ARHGAP26: variants seen among roughly 807,000 people sequenced by gnomAD.
The protein encoded by ARHGAP26 is rho GTPase-activating protein 26.
A neutral mutation model predicts 104.8 loss-of-function variants in ARHGAP26; 38 were observed. That is an observed-to-expected ratio of 0.36 (90% CI 0.28 to 0.48). The LOEUF (loss-of-function observed/expected upper bound fraction) is 0.48. Among genes scored for constraint, ARHGAP26 ranks in the 20% least tolerant of loss-of-function variants. The probability of loss-of-function intolerance (pLI) is 0.99; values close to 1 mark genes in which losing one functional copy is unlikely to be tolerated. For synonymous variants in ARHGAP26, 341 were observed against 340.0 expected (o/e 1.00, Z -0.03); for missense variants, 704 against 947.9 (o/e 0.74, Z 3.38).
chr5:142,841,363 C>T lies in ARHGAP26; in HGVS notation c.155-32037C>T, dbSNP rs560569651. ...GTTTCAAGTCTCACGGTGCTAAGCCCAACACCTAGACTGGAAGATATATTA... is the reference window on the plus strand; with the variant it reads ...GTTTCAAGTCTCACGGTGCTAAGCCTAACACCTAGACTGGAAGATATATTA... On this transcript the variant is annotated intron_variant, in intron 1 of 22. Transcript: ENST00000645722. Among the ~76,000 whole-genome samples, 3 of 152,294 alleles carry T rather than the reference C, an allele frequency of 2.0e-5. No individual in the cohort carries two copies. In the East Asian group the frequency reaches 5.8e-4, roughly 29 times the overall value.
chr5:142,986,402 A>G (rs1354480814), intron 11 of ARHGAP26, among the ~76,000 whole-genome samples: 3 of 152,008 alleles, frequency 2.0e-5, no homozygotes, highest in African/African-American at 7.3e-5. Context: ...TAGATTCTGG[A>G]TATTAGCCCT....
At chr5:143,113,167 A>G (rs1385085102) in intron 17 of ARHGAP26, among the ~76,000 whole-genome samples, 1 of 152,182 alleles carries the variant, frequency 6.6e-6, no homozygotes, top group Non-Finnish European at 1.5e-5. Context: ...ATTTTAGAAT[A>G]CCTCTGCGTT....
chr5:142,953,624 C>CTTGGCG (rs1448792598), intron 11 of ARHGAP26, among the ~76,000 whole-genome samples: 1 of 152,214 alleles, frequency 6.6e-6, no homozygotes, highest in African/African-American at 2.4e-5. Flanking sequence ...CGCTGGTTCA[C>CTTGGCG]TATTTTGGGA....
At chr5:143,033,488 A>T (rs1207171315) in intron 12 of ARHGAP26, among the ~76,000 whole-genome samples, 1 of 152,228 alleles carries the variant, frequency 6.6e-6, no homozygotes, top group Admixed American at 6.5e-5. Flanking sequence ...CACACAAAAA[A>T]AGGTTCAATG....
At chr5:142,894,595 A>G (rs1455021825) in intron 6 of ARHGAP26, among the ~76,000 whole-genome samples, 2 of 152,144 alleles carry the variant, frequency 1.3e-5, no homozygotes, top group African/African-American at 4.8e-5. Flanking sequence ...CTACCCAATG[A>G]TGTGCCATAT....
At chr5:142,977,532 G>A (rs1480117905) in intron 11 of ARHGAP26, among the ~76,000 whole-genome samples, 2 of 152,166 alleles carry the variant, frequency 1.3e-5, no homozygotes, top group Non-Finnish European at 2.9e-5. Context: ...AGGTCAGCCA[G>A]GTGTTTTTTT....
rs557815643 is a variant in ARHGAP26 at position 142,793,819 on chromosome 5, C to T, written c.154+22904C>T. On this transcript the variant is annotated intron_variant, in intron 1 of 22. Transcript: ENST00000645722. ...GCCAGGCTGGTCTTGAACTCCTGGC[C>T]TCAAGCGATCTGCCTGCTTCGACCT... 1.2e-4 allele frequency among the ~76,000 whole-genome samples: 18 copies of T among 152,212 alleles called. No individual in the cohort carries two copies. In the South Asian group the frequency reaches 3.3e-3, roughly 28 times the overall value.
chr5:143,206,537 C>G (rs536424584), intron 20 of ARHGAP26, among the ~76,000 whole-genome samples: 1 of 152,214 alleles, frequency 6.6e-6, no homozygotes, highest in South Asian at 2.1e-4. Flanking sequence ...TATCGTAATG[C>G]CCAAATTCCA....
intron 17 of ARHGAP26, among the ~76,000 whole-genome samples, chr5:143,061,160 T>A (rs1786646453): frequency 6.6e-6 from 1 of 152,358 alleles, no homozygotes; most frequent in South Asian, 2.1e-4. Context: ...TGGATCCTTG[T>A]GCCAATTTTT....
intron 12 of ARHGAP26, among the ~76,000 whole-genome samples, chr5:143,022,339 T>C (rs908536318): frequency 2.0e-5 from 3 of 152,194 alleles, no homozygotes; most frequent in Non-Finnish European, 4.4e-5. Context: ...TCCCAAAGTG[T>C]TGGGATTACA....
At chr5:142,952,485 C>T (rs1249751175) in intron 11 of ARHGAP26, among the ~76,000 whole-genome samples, 1 of 152,168 alleles carries the variant, frequency 6.6e-6, no homozygotes, top group Non-Finnish European at 1.5e-5. Context: ...CGTAGTGTGT[C>T]TGCAAACAGA....
chr5:142,977,574 G>A (rs981578453), intron 11 of ARHGAP26, among the ~76,000 whole-genome samples: 1 of 152,062 alleles, frequency 6.6e-6, no homozygotes, highest in Admixed American at 6.6e-5. Flanking sequence ...TTGGACATTT[G>A]CCTCCAGTCT....
chr5:142,907,851 A>G (rs1228267706), intron 9 of ARHGAP26, 47 bp downstream of exon 9: 5 of 1,268,722 alleles, frequency 3.9e-6, no homozygotes, highest in Admixed American at 1.7e-5. Flanking sequence ...TGGCTAACAT[A>G]TAATGATTAT....
chr5:143,174,136 C>A (rs1351172269), intron 20 of ARHGAP26, among the ~76,000 whole-genome samples: 2 of 152,208 alleles, frequency 1.3e-5, no homozygotes, highest in African/African-American at 2.4e-5. Flanking sequence ...TTCAGTGCCT[C>A]TTCTGTTTTA....
intron 20 of ARHGAP26, among the ~76,000 whole-genome samples, chr5:143,191,715 C>A (rs1255936689): frequency 6.6e-6 from 1 of 152,162 alleles, no homozygotes. Flanking sequence ...ACCCAGTAGC[C>A]AGGAGCAAGA....
intron 20 of ARHGAP26, among the ~76,000 whole-genome samples, chr5:143,171,313 G>A (rs1390404470): frequency 6.6e-6 from 1 of 152,166 alleles, no homozygotes; most frequent in African/African-American, 2.4e-5. Context: ...TTGAGCTGAG[G>A]CCTGTGTGAC....
Position 142,877,604 on chromosome 5 carries a change from G to A in ARHGAP26, c.313-1770G>A, listed in dbSNP as rs575001608. On this transcript the variant is annotated intron_variant, in intron 3 of 22. Transcript: ENST00000645722. ...TTATTAAGGCTGATAGCAAGTAGTAGTATGGCTGGGCGAAGGACTTGGGGG... is the reference window on the plus strand; with the variant it reads ...TTATTAAGGCTGATAGCAAGTAGTAATATGGCTGGGCGAAGGACTTGGGGG... Among the ~76,000 whole-genome samples the A allele has an allele frequency of 2.0e-5, 3 of 152,356 alleles. No individual in the cohort carries two copies. In the East Asian group the frequency reaches 5.8e-4, roughly 29 times the overall value.
chr5:142,985,221 ATG>A (rs1429603097), intron 11 of ARHGAP26, among the ~76,000 whole-genome samples: 147 of 152,356 alleles, frequency 9.6e-4, no homozygotes, highest in African/African-American at 3.4e-3. Context: ...CAGCTGTACA[ATG>A]TGTTTGTGTT....
At chr5:142,778,000 G>C (rs1756692811) in intron 1 of ARHGAP26, among the ~76,000 whole-genome samples, 1 of 152,112 alleles carries the variant, frequency 6.6e-6, no homozygotes, top group African/African-American at 2.4e-5. Context: ...AAGATGACCA[G>C]TAAGGAAGCT....
Sources: allele counts gnomAD v4.1 joint callset (sites outside exome capture counted in the v4.1 genomes callset), GRCh38; gene constraint gnomAD v4.1.1; transcripts MANE v1.5; gene names NCBI Gene and HGNC (gene_info 2026-07-23, HGNC 2026-07-21).